GAS7: variants seen among roughly 807,000 people sequenced by gnomAD.
GAS7 encodes growth arrest specific 7.
A neutral mutation model predicts 71.1 loss-of-function variants in GAS7; 28 were observed. The observed-to-expected ratio is 0.39, with a 90% CI of 0.29 to 0.54. GAS7 has a LOEUF of 0.54. GAS7 is among the 20% of genes least tolerant of loss of function. GAS7 has a pLI of 0.62. For missense variants in GAS7, 436 were observed against 627.8 expected, an observed-to-expected ratio of 0.69 and a Z score of 3.27; for synonymous variants, 258 against 245.8, an observed-to-expected ratio of 1.05 and a Z score of -0.46.
intron 1 of GAS7, among the ~76,000 whole-genome samples, chr17:10,138,671 G>A (rs2074058522): frequency 6.6e-6 from 1 of 152,118 alleles, no homozygotes; most frequent in Non-Finnish European, 1.5e-5. Context: ...GGAGGCTGAG[G>A]CAGGAGAATC....
At chr17:9,998,141 G>A (rs1335088655) in intron 2 of GAS7, among the ~76,000 whole-genome samples, 1 of 152,214 alleles carries the variant, frequency 6.6e-6, no homozygotes. Context: ...GTGACCAGCT[G>A]CCATCCTGAA....
In GAS7 at chr17:9,910,854, G is replaced by A. The variant is rs2067417445; in HGVS notation, c.*6374C>T. On this transcript the variant is annotated 3_prime_UTR_variant, in exon 14 of 14. Coordinates refer to ENST00000432992, the MANE Select transcript of GAS7 (RefSeq NM_201433.2). ...GATCTAGGCAGCCAGAGGGTGGAAG[G>A]ATATACAATGTGGAGGAAACACATT... 1 of 228,864 alleles carries A rather than the reference G, an allele frequency of 4.4e-6. No individual in the cohort carries two copies. Among genetic ancestry groups the A allele is most frequent in the African/African-American group, 2.2e-5 (1 of 45,036 alleles). 14.2% of individuals were successfully genotyped at this position (228,864 alleles called of 1,614,324 possible).
intron 3 of GAS7, among the ~76,000 whole-genome samples, chr17:9,979,537 C>A (rs1313409900): frequency 6.6e-6 from 1 of 152,156 alleles, no homozygotes; most frequent in African/African-American, 2.4e-5. Flanking sequence ...CTGTGAGCAT[C>A]CCTTCTGCAG....
chr17:10,046,022 T>C (rs2072949849), intron 1 of GAS7, among the ~76,000 whole-genome samples: 1 of 152,188 alleles, frequency 6.6e-6, no homozygotes, highest in African/African-American at 2.4e-5. Flanking sequence ...CTCCACATGA[T>C]CTAAAATTAT....
chr17:9,999,209 G>T (rs2071164388), intron 2 of GAS7, among the ~76,000 whole-genome samples: 1 of 152,130 alleles, frequency 6.6e-6, no homozygotes, highest in African/African-American at 2.4e-5. Context: ...TAAAAGGTGT[G>T]ACTTTATGTG....
At chr17:10,078,079 GT>G (rs35381836) in intron 1 of GAS7, among the ~76,000 whole-genome samples, 3,072 of 134,510 alleles carry the variant, frequency 0.023, 41 homozygotes, top group African/African-American at 0.035. Context: ...GTGTGTGTGT[GT>G]TTTGTTTTGT....
At chr17:9,989,341 T>C (rs767741231) in intron 2 of GAS7, among the ~76,000 whole-genome samples, 27 of 152,278 alleles carry the variant, frequency 1.8e-4, no homozygotes, top group Non-Finnish European at 3.5e-4. Flanking sequence ...AATATTATTA[T>C]TATTCATTCA....
chr17:9,944,887 G>T (rs1339823457), intron 6 of GAS7, among the ~76,000 whole-genome samples: 1 of 152,230 alleles, frequency 6.6e-6, no homozygotes, highest in Non-Finnish European at 1.5e-5. Flanking sequence ...GGGAAAACCA[G>T]CCAGAAGAAA....
intron 1 of GAS7, among the ~76,000 whole-genome samples, chr17:10,085,126 C>T (rs935039422): frequency 2.0e-5 from 3 of 152,210 alleles, no homozygotes; most frequent in Non-Finnish European, 2.9e-5. Flanking sequence ...GAGGTTTCCC[C>T]GGTCTCTGCC....
chr17:9,932,172 G>A, intron 9 of GAS7, among the ~76,000 whole-genome samples: 1 of 150,910 alleles, frequency 6.6e-6, no homozygotes, highest in African/African-American at 2.4e-5. Context: ...CTGGGATGGT[G>A]CACTCTGAAA....
intron 1 of GAS7, among the ~76,000 whole-genome samples, chr17:10,166,949 G>A (rs190241214): frequency 6.6e-6 from 1 of 151,716 alleles, no homozygotes; most frequent in Non-Finnish European, 1.5e-5. Context: ...CTGATGGGTG[G>A]AGACCCTGCT....
chr17:9,934,924 C>T (rs559496988), intron 8 of GAS7, among the ~76,000 whole-genome samples: 6 of 152,202 alleles, frequency 3.9e-5, no homozygotes, highest in Admixed American at 1.3e-4. Flanking sequence ...TTAGTAGAGA[C>T]GGGGTTTTGC....
At chr17:9,941,916 C>T (rs992323003) in intron 7 of GAS7, among the ~76,000 whole-genome samples, 1 of 152,232 alleles carries the variant, frequency 6.6e-6, no homozygotes. Flanking sequence ...TGCTTCAAAA[C>T]GCCGAAGCAT....
At chr17:10,142,172 G>A (rs1463913730) in intron 1 of GAS7, among the ~76,000 whole-genome samples, 2 of 150,940 alleles carry the variant, frequency 1.3e-5, no homozygotes, top group Non-Finnish European at 2.9e-5. Context: ...GCCGAAATAG[G>A]GCCACTGCAG....
intron 1 of GAS7, among the ~76,000 whole-genome samples, chr17:10,069,813 G>C (rs1367995990): frequency 1.3e-5 from 2 of 152,146 alleles, no homozygotes; most frequent in African/African-American, 4.8e-5. Context: ...AAATTGATGT[G>C]AGTCTGTGAA....
chr17:10,005,626 G>GA, intron 2 of GAS7, among the ~76,000 whole-genome samples: 1 of 152,108 alleles, frequency 6.6e-6, no homozygotes, highest in Non-Finnish European at 1.5e-5. Context: ...AGATGTTTAC[G>GA]AAAAAAACTC....
chr17:10,188,302 T>C (rs2074472075), intron 1 of GAS7, among the ~76,000 whole-genome samples: 2 of 152,334 alleles, frequency 1.3e-5, no homozygotes, highest in East Asian at 1.9e-4. Context: ...TGTTCTGACC[T>C]GCTAAGCGCA....
intron 2 of GAS7, among the ~76,000 whole-genome samples, chr17:10,018,778 C>G (rs919850969): frequency 6.6e-6 from 1 of 152,156 alleles, no homozygotes; most frequent in African/African-American, 2.4e-5. Flanking sequence ...ACGATACCCC[C>G]AGGTGGGAAG....
Position 9,968,227 on chromosome 17 carries a change from C to T in GAS7, c.471+1450G>A, listed in dbSNP as rs7213443. On this transcript the variant is annotated intron_variant, in intron 4 of 13. Coordinates refer to ENST00000432992, the MANE Select transcript of GAS7 (RefSeq NM_201433.2). ...GCTCAGCAGGAAACATACAAAGCCA[C>T]GGTTGATTCATGATGGGTGACATGA... is the stretch of plus-strand genomic sequence containing the variant. Among the ~76,000 whole-genome samples, 8 of 152,206 alleles carry T rather than the reference C, an allele frequency of 5.3e-5. No homozygotes were observed. In the South Asian group the frequency reaches 6.2e-4, roughly 12 times the overall value.
Sources: allele counts gnomAD v4.1 joint callset (sites outside exome capture counted in the v4.1 genomes callset), GRCh38; gene constraint gnomAD v4.1.1; transcripts MANE v1.5; gene names NCBI Gene and HGNC (gene_info 2026-07-23, HGNC 2026-07-21).